Variants in AKAP6 observed in about 807,000 individuals in gnomAD.
AKAP6 encodes A-kinase anchor protein 6.
In AKAP6, 58 loss-of-function variants were observed where a neutral mutation model predicts 188.5. The ratio of observed to expected loss-of-function variants is 0.31; its 90% CI spans 0.25 to 0.38. The LOEUF (loss-of-function observed/expected upper bound fraction) is 0.38, where lower values mean the gene tolerates loss of function less well. Among genes scored for constraint, AKAP6 ranks in the 10% least tolerant of loss-of-function variants. The pLI, the probability that AKAP6 is intolerant of heterozygous loss-of-function variation, is 1.00. For synonymous variants in AKAP6, 989 were observed against 998.6 expected, an observed-to-expected ratio of 0.99 and a Z score of 0.18; for missense variants, 2,710 against 2,740.0, an observed-to-expected ratio of 0.99 and a Z score of 0.24.
At chr14:32,569,746 T>C (rs1273076770) in intron 4 of AKAP6, among the ~76,000 whole-genome samples, 2 of 152,178 alleles carry the variant, frequency 1.3e-5, no homozygotes, top group African/African-American at 2.4e-5. Context: ...ATTTTACTTT[T>C]CTAAAAAAGG....
chr14:32,344,438 A>G (rs1056908936), intron 1 of AKAP6, among the ~76,000 whole-genome samples: 5 of 152,190 alleles, frequency 3.3e-5, no homozygotes, highest in African/African-American at 1.2e-4. Flanking sequence ...TAGTCCCAGT[A>G]AATACAAAGA....
At chr14:32,482,807 T>C (rs945166512) in intron 2 of AKAP6, among the ~76,000 whole-genome samples, 4 of 152,166 alleles carry the variant, frequency 2.6e-5, no homozygotes, top group Non-Finnish European at 4.4e-5. Context: ...CTGCATAGTT[T>C]TCTACCGTAT....
intron 8 of AKAP6, among the ~76,000 whole-genome samples, chr14:32,689,105 T>C (rs754076013): frequency 6.6e-6 from 1 of 152,220 alleles, no homozygotes; most frequent in Admixed American, 6.5e-5. Flanking sequence ...GAAGTACATT[T>C]TTCCATTTGT....
intron 2 of AKAP6, among the ~76,000 whole-genome samples, chr14:32,507,931 G>A (rs1253297729): frequency 6.6e-6 from 1 of 152,172 alleles, no homozygotes; most frequent in African/African-American, 2.4e-5. Context: ...GGTAGACTGG[G>A]AAGCAGCTGA....
chr14:32,545,630 C>T lies in AKAP6; in HGVS notation c.977C>T (p.Ser326Leu). ...CAACCAGGCTTAACACTGGGGGTGT[C>T]ATCATCTTCAGGAGAAGCTCTGACA... is the stretch of plus-strand genomic sequence containing the variant. ...EEQPGLTLGVSSSSGEALTNA... is the reference protein window; with the variant it reads ...EEQPGLTLGVLSSSGEALTNA... Residue 326 changes from serine (S) to leucine (L), a missense_variant, in exon 4 of 14, where the codon TCA (serine) becomes TTA (leucine). Coordinates refer to ENST00000280979, the MANE Select transcript of AKAP6 (RefSeq NM_004274.5). The T allele has an allele frequency of 6.2e-7, 1 of 1,614,168 alleles. No individual in the cohort carries two copies. The highest frequency in any genetic ancestry group is 8.5e-7 in the Non-Finnish European group (1 of 1,180,030).
intron 12 of AKAP6, among the ~76,000 whole-genome samples, chr14:32,801,560 T>C (rs1244142458): frequency 6.6e-6 from 1 of 152,212 alleles, no homozygotes; most frequent in Non-Finnish European, 1.5e-5. Flanking sequence ...ATAAGAGAAC[T>C]GAAAGATTTG....
At chr14:32,806,302 C>T (rs2034088297) in intron 12 of AKAP6, among the ~76,000 whole-genome samples, 1 of 152,178 alleles carries the variant, frequency 6.6e-6, no homozygotes, top group African/African-American at 2.4e-5. Context: ...AAACTAAATA[C>T]AAAACTGTTA....
At chr14:32,523,126 A>G (rs973088200) in intron 2 of AKAP6, among the ~76,000 whole-genome samples, 7 of 146,956 alleles carry the variant, frequency 4.8e-5, no homozygotes. Flanking sequence ...GAATTGAACA[A>G]TGAGAACACT....
intron 7 of AKAP6, among the ~76,000 whole-genome samples, chr14:32,608,289 G>A (rs1886207197): frequency 6.6e-6 from 1 of 151,696 alleles, no homozygotes; most frequent in South Asian, 2.1e-4. Flanking sequence ...GGTGGACCAT[G>A]AGGTCAGGAG....
intron 2 of AKAP6, among the ~76,000 whole-genome samples, chr14:32,454,502 G>GTTGGTC (rs780838855): frequency 6.6e-6 from 1 of 152,198 alleles, no homozygotes; most frequent in Non-Finnish European, 1.5e-5. Context: ...CAAAGCAGTA[G>GTTGGTC]TTGGTCTTGC....
intron 9 of AKAP6, among the ~76,000 whole-genome samples, 163 bp from the exon 10 acceptor site, chr14:32,732,291 G>C (rs1201367670): frequency 6.6e-6 from 1 of 151,742 alleles, no homozygotes. Flanking sequence ...AATATATTCA[G>C]CAATATTCTT....
intron 8 of AKAP6, among the ~76,000 whole-genome samples, chr14:32,692,439 G>A (rs924395143): frequency 3.9e-5 from 6 of 152,104 alleles, no homozygotes; most frequent in Non-Finnish European, 8.8e-5. Flanking sequence ...GAGGTGAAAG[G>A]AAGGGGAAGG....
intron 7 of AKAP6, among the ~76,000 whole-genome samples, chr14:32,652,459 A>G (rs914573050): frequency 5.9e-5 from 9 of 152,214 alleles, no homozygotes; most frequent in Non-Finnish European, 5.9e-5. Context: ...TTAGAAATCC[A>G]GAATATCAGG....
At chr14:32,606,592 G>A (rs567399491) in intron 7 of AKAP6, among the ~76,000 whole-genome samples, 1 of 152,266 alleles carries the variant, frequency 6.6e-6, no homozygotes, top group Admixed American at 6.5e-5. Context: ...AATATTTGAA[G>A]ATTTTATTGT....
intron 2 of AKAP6, among the ~76,000 whole-genome samples, chr14:32,463,339 C>T (rs1323561628): frequency 1.3e-5 from 2 of 152,162 alleles, no homozygotes; most frequent in Non-Finnish European, 2.9e-5. Context: ...AAATCAACCG[C>T]ATAACTGGAA....
At chr14:32,702,583 G>C (rs192350443) in intron 9 of AKAP6, among the ~76,000 whole-genome samples, 18 of 152,166 alleles carry the variant, frequency 1.2e-4, no homozygotes, top group Admixed American at 9.8e-4. Context: ...TAAGAGAATA[G>C]GATGCCAAGA....
rs746436481 is a variant in AKAP6, at chr14:32,546,355, T to A, written c.1702T>A (p.Leu568Met). 2 of 1,614,066 alleles carry A rather than the reference T, an allele frequency of 1.2e-6. No individual in the cohort carries two copies. Among genetic ancestry groups the A allele is most frequent in the African/African-American group, 1.3e-5 (1 of 74,938 alleles). Residue 568 changes from leucine (L) to methionine (M), a missense_variant, in exon 4 of 14, where the codon TTG (leucine) becomes ATG (methionine). Physicochemically the swap from Leu to Met is conservative, Grantham distance 15. Coordinates refer to ENST00000280979, the MANE Select transcript of AKAP6 (RefSeq NM_004274.5). ...NQRSWNAKLQ[L>M]QSETSSSPAF... is the part of the protein sequence containing the mutation. ...GAGAAGTTGGAATGCCAAATTGCAA[T>A]TGCAGTCAGAAACATCCAGTTCACC...
intron 1 of AKAP6, among the ~76,000 whole-genome samples, chr14:32,396,960 T>G (rs1056204792): frequency 2.6e-5 from 4 of 152,252 alleles, no homozygotes; most frequent in Middle Eastern, 6.8e-3. Context: ...CAAAAACACT[T>G]CTCTAATGTT....
chr14:32,730,108 C>A (rs542432672), intron 9 of AKAP6, among the ~76,000 whole-genome samples: 21 of 152,110 alleles, frequency 1.4e-4, no homozygotes, highest in Admixed American at 9.8e-4. Context: ...CAGCTTGAGC[C>A]CCTAAACATA....
Sources: gnomAD v4.1 joint callset for allele counts (sites outside exome capture counted in the v4.1 genomes callset) on GRCh38, gnomAD v4.1.1 for gene constraint, MANE v1.5 for transcripts, NCBI Gene and HGNC (gene_info 2026-07-23, HGNC 2026-07-21) for gene names.